The following CCDC198 variants were observed in gnomAD, a reference collection of about 807,000 sequenced individuals.
The protein encoded by CCDC198 is coiled-coil domain containing 198, also known as factor associated with metabolism and energy.
A neutral mutation model predicts 35.6 loss-of-function variants in CCDC198; 18 were observed. The observed-to-expected ratio is 0.51, with a 90% CI of 0.35 to 0.75. CCDC198 has a LOEUF of 0.75. Ranked by LOEUF, CCDC198 falls within the 30% of genes least tolerant of loss-of-function variation. The probability of loss-of-function intolerance (pLI) is 0.01; values close to 1 mark genes in which losing one functional copy is unlikely to be tolerated. For missense variants in CCDC198, 365 were observed against 343.7 expected, an observed-to-expected ratio of 1.06 and a Z score of -0.49; for synonymous variants, 119 against 113.4, an observed-to-expected ratio of 1.05 and a Z score of -0.31.
At chr14:57,492,707 A>G (rs966009003) in intron 1 of CCDC198, among the ~76,000 whole-genome samples, 3 of 152,166 alleles carry the variant, frequency 2.0e-5, no homozygotes, top group African/African-American at 7.2e-5. Context: ...TGAACAAGGC[A>G]TCCAATAAGG....
intron 5 of CCDC198, among the ~76,000 whole-genome samples, chr14:57,474,943 G>A (rs1037148584): frequency 6.6e-6 from 1 of 152,116 alleles, no homozygotes; most frequent in African/African-American, 2.4e-5. Context: ...ATCAAACCCA[G>A]AATTTCACAT....
At chr14:57,480,375 A>T (rs1168256625) in intron 5 of CCDC198, 1 of 886,460 alleles carries the variant, frequency 1.1e-6, no homozygotes, top group Non-Finnish European at 1.4e-6. Flanking sequence ...AACCCATACA[A>T]AGAAAGAGAC....
In CCDC198 at chr14:57,474,540, A is replaced by G. The variant is rs117486366; in HGVS notation, c.656-2950T>C. The stretch of plus-strand genomic sequence containing the variant: ...GGTCTAATGTTAGTGTATGAGACAA[A>G]ATTCAAATATTCAGTTTCATCCTTG... On this transcript the variant is annotated intron_variant, in intron 5 of 5. Coordinates refer to ENST00000216445, the MANE Select transcript of CCDC198 (RefSeq NM_018168.4). Among the ~76,000 whole-genome samples, 263 of 152,322 alleles carry G rather than the reference A, an allele frequency of 1.7e-3. 1 individual carries two copies. The highest frequency in any genetic ancestry group is 3.2e-3 in the Non-Finnish European group (215 of 68,032).
intron 5 of CCDC198, chr14:57,478,486 G>A: frequency 1.0e-6 from 1 of 986,502 alleles, no homozygotes; most frequent in African/African-American, 1.7e-5. Context: ...AAACGAAGCA[G>A]CTTTAAAAAG....
At chr14:57,485,154 G>T (rs924376962) in intron 2 of CCDC198, among the ~76,000 whole-genome samples, 2 of 152,184 alleles carry the variant, frequency 1.3e-5, no homozygotes, top group East Asian at 3.9e-4. Flanking sequence ...AGACAGGCCA[G>T]TGTAGATGTT....
At chr14:57,471,996 C>T (rs771794842) in intron 5 of CCDC198, among the ~76,000 whole-genome samples, 21 of 151,992 alleles carry the variant, frequency 1.4e-4, no homozygotes, top group Non-Finnish European at 2.5e-4. Context: ...TCTCTTAAGA[C>T]CAAGGGCATT....
intron 4 of CCDC198, 100 bp downstream of exon 4, chr14:57,481,459 G>A (rs2067182387): frequency 1.3e-6 from 1 of 776,870 alleles, no homozygotes; most frequent in Non-Finnish European, 2.1e-6. Context: ...AATTTAAAAT[G>A]CTAAGTAAAG....
At chr14:57,482,952 C>G in intron 3 of CCDC198, 113 bp downstream of exon 3, 1 of 1,438,812 alleles carries the variant, frequency 7.0e-7, no homozygotes, top group Non-Finnish European at 9.6e-7. Flanking sequence ...TTTGATTTGT[C>G]TTTGAACTCC....
intron 5 of CCDC198, chr14:57,479,056 G>C: frequency 7.8e-7 from 1 of 1,276,902 alleles, no homozygotes; most frequent in South Asian, 1.2e-5. Flanking sequence ...AAAACTTAAT[G>C]GGGCTCTAAT....
At chr14:57,487,739 TAATAATTTAA>T (rs777835515) in intron 2 of CCDC198, among the ~76,000 whole-genome samples, 4 of 152,220 alleles carry the variant, frequency 2.6e-5, no homozygotes, top group Non-Finnish European at 4.4e-5. Context: ...AGATTTGGTT[TAATAATTTAA>T]AATAATTTTA....
In CCDC198 at chr14:57,490,765, C is replaced by T. The variant is rs1367071857; in HGVS notation, c.306+224G>A. On this transcript the variant is annotated intron_variant, in intron 2 of 5. Coordinates refer to ENST00000216445, the MANE Select transcript of CCDC198 (RefSeq NM_018168.4). The stretch of plus-strand genomic sequence containing the variant: ...CTCTTGAATTCCATGGTATCTATGT[C>T]CTTGCTACTAGCTTCTTTCGGTGGC... 2.0e-5 allele frequency among the ~76,000 whole-genome samples: 3 copies of T among 152,044 alleles called. No homozygotes were observed. In the South Asian group the frequency reaches 6.2e-4, roughly 32 times the overall value.
In CCDC198 at chr14:57,470,202, C is replaced by T. The variant is rs972949150; in HGVS notation, c.*1153G>A. The T allele has an allele frequency of 1.3e-5, 2 of 152,184 alleles. No individual in the cohort carries two copies. The highest frequency in any genetic ancestry group is 6.5e-5 in the Admixed American group (1 of 15,276). 9.4% of individuals were successfully genotyped at this position (152,184 alleles called of 1,614,324 possible). ...CATTATCTCACGTGTATCCTGTAGGCTCTCTGTTACGGTTAGCTCACTAGA... is the reference window on the plus strand; with the variant it reads ...CATTATCTCACGTGTATCCTGTAGGTTCTCTGTTACGGTTAGCTCACTAGA... On this transcript the variant is annotated 3_prime_UTR_variant, in exon 6 of 6. Coordinates refer to ENST00000216445, the MANE Select transcript of CCDC198 (RefSeq NM_018168.4).
At chr14:57,481,512 A>C (rs1297925403) in intron 4 of CCDC198, 47 bp downstream of exon 4, 1 of 1,278,378 alleles carries the variant, frequency 7.8e-7, no homozygotes, top group African/African-American at 1.5e-5. Context: ...CAGGGCAGTG[A>C]TTATGTGATG....
intron 2 of CCDC198, among the ~76,000 whole-genome samples, chr14:57,490,384 A>C (rs1035910813): frequency 6.6e-6 from 1 of 152,172 alleles, no homozygotes; most frequent in Non-Finnish European, 1.5e-5. Context: ...CTTGGAATCC[A>C]GTGTCCCGAA....
intron 5 of CCDC198, chr14:57,475,449 A>G (rs1186240651): frequency 8.1e-6 from 10 of 1,239,184 alleles, no homozygotes; most frequent in South Asian, 1.4e-5. Context: ...TAAGACATCA[A>G]TTGTGGCCAG....
Position 57,483,104 on chromosome 14 carries a change from G to A in CCDC198, c.354C>T (p.Leu118=). The part of the protein sequence containing the change: ...DLPRVITSGR[L]LSQREARTMH... ...TTGTCCTGGCTTCTCGCTGGCTCAG[G>A]AGTCTTCCTGAAGTAATTACTCGTG... The change falls in exon 3 of 6, where the codon CTC becomes CTT. Residue 118 remains leucine, a synonymous_variant. Transcript: ENST00000216445. 1 of 1,614,068 alleles carries A rather than the reference G, an allele frequency of 6.2e-7. No homozygotes were observed. Among genetic ancestry groups the A allele is most frequent in the Non-Finnish European group, 8.5e-7 (1 of 1,179,982 alleles).
chr14:57,489,597 A>G (rs1017097370), intron 2 of CCDC198, among the ~76,000 whole-genome samples: 4 of 152,082 alleles, frequency 2.6e-5, no homozygotes, highest in Non-Finnish European at 4.4e-5. Flanking sequence ...TGTTTTTAAG[A>G]TGGTTGGTTA....
chr14:57,485,044 T>C (rs1246056672), intron 2 of CCDC198, among the ~76,000 whole-genome samples: 1 of 152,180 alleles, frequency 6.6e-6, no homozygotes, highest in Admixed American at 6.5e-5. Flanking sequence ...GGTGTTATCA[T>C]ACCCTGTGAT....
Position 57,471,286 on chromosome 14 carries a change from A to C in CCDC198, c.*69T>G. ...CTGTCCTCAAAGTAATTCATATATCAGTTTGGAAGATTTTGAGAGTAAAAC... is the reference window on the plus strand; with the variant it reads ...CTGTCCTCAAAGTAATTCATATATCCGTTTGGAAGATTTTGAGAGTAAAAC... On this transcript the variant is annotated 3_prime_UTR_variant, in exon 6 of 6. Transcript: ENST00000216445. 1 of 1,116,510 alleles carries C rather than the reference A, an allele frequency of 9.0e-7. No individual in the cohort carries two copies. Among genetic ancestry groups the C allele is most frequent in the Non-Finnish European group, 1.3e-6 (1 of 759,286 alleles). 69.2% of individuals were successfully genotyped at this position (1,116,510 alleles called of 1,614,324 possible).
Sources: gnomAD v4.1 joint callset for allele counts (sites outside exome capture counted in the v4.1 genomes callset) on GRCh38, gnomAD v4.1.1 for gene constraint, MANE v1.5 for transcripts, NCBI Gene and HGNC (gene_info 2026-07-23, HGNC 2026-07-21) for gene names.